The following SVEP1 variants were observed in gnomAD, a reference collection of about 807,000 sequenced individuals.
SVEP1 encodes sushi, von Willebrand factor type A, EGF and pentraxin domain containing 1.
SVEP1 carries 164 observed loss-of-function variants against 367.3 expected under a neutral mutation model. That is an observed-to-expected ratio of 0.45 (90% confidence interval 0.39 to 0.51). The LOEUF is 0.51. SVEP1 is among the 20% of genes least tolerant of loss of function. The pLI is 0.00. For missense variants in SVEP1, 4,117 were observed against 4,425.3 expected (o/e 0.93, Z 1.98); for synonymous variants, 1,666 against 1,611.6 (o/e 1.03, Z -0.81).
chr9:110,517,988 CTT>C (rs1829827636), intron 3 of SVEP1, among the ~76,000 whole-genome samples: 2 of 151,898 alleles, frequency 1.3e-5, no homozygotes, highest in South Asian at 4.2e-4. Context: ...ATATATGAGA[CTT>C]GAAGAAAATT....
intron 8 of SVEP1, among the ~76,000 whole-genome samples, chr9:110,495,837 A>T (rs1428208169): frequency 6.6e-6 from 1 of 152,178 alleles, no homozygotes; most frequent in Non-Finnish European, 1.5e-5. Context: ...ATAATGCTGG[A>T]TTCAGACAAG....
At chr9:110,468,163 C>T (rs35659774) in intron 17 of SVEP1, among the ~76,000 whole-genome samples, 18,562 of 152,192 alleles carry the variant, frequency 0.12, 1,217 homozygotes, top group African/African-American at 0.14. Flanking sequence ...ACACACCAGG[C>T]TAACTGATGA....
chr9:110,391,953 C>A (rs1353340547), intron 40 of SVEP1, among the ~76,000 whole-genome samples: 1 of 151,820 alleles, frequency 6.6e-6, no homozygotes, highest in African/African-American at 2.4e-5. Flanking sequence ...TTCTTCCTCA[C>A]CACTTGAGTT....
At chr9:110,450,474 T>G (rs1451090374) in intron 23 of SVEP1, among the ~76,000 whole-genome samples, 7 of 145,656 alleles carry the variant, frequency 4.8e-5, no homozygotes, top group African/African-American at 5.1e-5. Context: ...TCTGTTTTTT[T>G]TTTTTTTTTT....
At chr9:110,494,623 T>G (rs936116376) in intron 8 of SVEP1, among the ~76,000 whole-genome samples, 3 of 152,212 alleles carry the variant, frequency 2.0e-5, no homozygotes, top group Non-Finnish European at 4.4e-5. Context: ...GGAAATTTTC[T>G]GAGGGAATAA....
chr9:110,495,586 A>G (rs1452606036), intron 8 of SVEP1, among the ~76,000 whole-genome samples: 5 of 151,980 alleles, frequency 3.3e-5, no homozygotes, highest in Non-Finnish European at 2.9e-5. Flanking sequence ...CGGAACAGCT[A>G]TTTTTTCTAT....
chr9:110,428,773 AC>A (rs142049768), intron 35 of SVEP1, among the ~76,000 whole-genome samples: 51,559 of 151,954 alleles, frequency 0.34, 9,239 homozygotes, highest in East Asian at 0.51. Context: ...TACAAATGAA[AC>A]CTATTGAGTA....
At chr9:110,555,775 T>C (rs1238721900) in intron 1 of SVEP1, among the ~76,000 whole-genome samples, 1 of 151,960 alleles carries the variant, frequency 6.6e-6, no homozygotes, top group African/African-American at 2.4e-5. Flanking sequence ...ACTTTAAGGA[T>C]AGAGGAGGGG....
At chr9:110,464,681 A>G (rs1266542906) in intron 18 of SVEP1, among the ~76,000 whole-genome samples, 4 of 152,152 alleles carry the variant, frequency 2.6e-5, no homozygotes, top group Non-Finnish European at 5.9e-5. Flanking sequence ...ACATCATTCA[A>G]TGTGGGAACA....
At chr9:110,401,456 C>A (rs1424061519) in intron 39 of SVEP1, among the ~76,000 whole-genome samples, 1 of 151,364 alleles carries the variant, frequency 6.6e-6, no homozygotes, top group Admixed American at 6.6e-5. Context: ...AAATCAGCTT[C>A]CTTTTCTCCA....
Position 110,499,240 on chromosome 9 carries a change from T to C in SVEP1, c.1484-2A>G. On this transcript the variant is annotated splice_acceptor_variant, in intron 6 of 47. Coordinates refer to ENST00000374469, the MANE Select transcript of SVEP1 (RefSeq NM_153366.4). LOFTEE classifies it high-confidence loss of function. ...TCTGAAAGGTGGAACAGTGGCGCTC[T>C]ACGGTAGGGAAACAGAGAGAATGTT... The C allele has an allele frequency of 6.2e-7, 1 of 1,608,252 alleles. No homozygotes were observed. Among genetic ancestry groups the C allele is most frequent in the Non-Finnish European group, 8.5e-7 (1 of 1,176,586 alleles).
At chr9:110,491,224 T>C (rs1372410710) in intron 8 of SVEP1, among the ~76,000 whole-genome samples, 2 of 151,916 alleles carry the variant, frequency 1.3e-5, no homozygotes, top group Admixed American at 1.3e-4. Context: ...ATTATTCTTT[T>C]CAATACTTTA....
intron 5 of SVEP1, among the ~76,000 whole-genome samples, chr9:110,506,914 T>G (rs1272490196): frequency 1.4e-5 from 2 of 148,134 alleles, no homozygotes; most frequent in African/African-American, 2.5e-5. Context: ...AGGAAAGGAG[T>G]AGGGGTAGGG....
At chr9:110,550,244 C>T (rs1830267334) in intron 1 of SVEP1, 140 bp from the exon 2 acceptor site, 3 of 1,091,714 alleles carry the variant, frequency 2.7e-6, no homozygotes, top group Non-Finnish European at 2.6e-6. Context: ...CAGAGTAAAA[C>T]AGAAATAGGC....
chr9:110,461,243 C>G (rs1828853194), intron 18 of SVEP1, among the ~76,000 whole-genome samples: 4 of 152,182 alleles, frequency 2.6e-5, no homozygotes, highest in Admixed American at 2.6e-4. Flanking sequence ...GGACAGAGTA[C>G]TCATGACTTA....
Position 110,386,048 on chromosome 9 carries a change from T to C in SVEP1, c.10087A>G (p.Ile3363Val), listed in dbSNP as rs933249994. 5.6e-6 allele frequency: 9 copies of C among 1,613,376 alleles called. No homozygotes were observed. The Admixed American group carries it at 1.2e-4, about 21-fold the overall frequency. ...TCAGACAGCAGAGCATTCTCGGGAATCACAAAAGGAACAGGGCATGGATTT... is the reference window on the plus strand; with the variant it reads ...TCAGACAGCAGAGCATTCTCGGGAACCACAAAAGGAACAGGGCATGGATTT... Reference protein sequence around the residue: ...KPNPCPVPFVIPENALLSEKE... With the variant: ...KPNPCPVPFVVPENALLSEKE... The change falls in exon 43 of 48, where the codon ATT (isoleucine) becomes GTT (valine). Residue 3363 changes from isoleucine to valine, a missense_variant. Coordinates refer to ENST00000374469, the MANE Select transcript of SVEP1 (RefSeq NM_153366.4).
chr9:110,463,569 G>GA (rs1828891476), intron 18 of SVEP1, among the ~76,000 whole-genome samples: 1 of 117,960 alleles, frequency 8.5e-6, no homozygotes, highest in Admixed American at 8.6e-5. Flanking sequence ...TACCAAAAGA[G>GA]AAAATAAAGA....
At chr9:110,371,263 C>T (rs553769789) in intron 46 of SVEP1, among the ~76,000 whole-genome samples, 12 of 152,296 alleles carry the variant, frequency 7.9e-5, no homozygotes, top group African/African-American at 2.6e-4. Context: ...TATAAGAACA[C>T]GTTACTCCTT....
chr9:110,524,187 A>C (rs1163053983), intron 3 of SVEP1, among the ~76,000 whole-genome samples: 1 of 152,166 alleles, frequency 6.6e-6, no homozygotes, highest in Non-Finnish European at 1.5e-5. Flanking sequence ...CCAGGTCCAA[A>C]TGATTTCAGT....
Sources: allele counts gnomAD v4.1 joint callset (sites outside exome capture counted in the v4.1 genomes callset), GRCh38; gene constraint gnomAD v4.1.1; transcripts MANE v1.5; gene names NCBI Gene and HGNC (gene_info 2026-07-23, HGNC 2026-07-21).